The following CCDC171 variants were observed in gnomAD, a reference collection of about 807,000 sequenced individuals.
CCDC171 encodes the protein coiled-coil domain-containing protein 171.
A neutral mutation model predicts 168.2 loss-of-function variants in CCDC171; 177 were observed. The observed-to-expected ratio is 1.05, with a 90% CI of 0.93 to 1.19. The LOEUF (loss-of-function observed/expected upper bound fraction) is 1.19. Among genes scored for constraint, CCDC171 ranks in the 50% most tolerant of loss-of-function variants. The pLI, the probability that CCDC171 is intolerant of heterozygous loss-of-function variation, is 0.00. For synonymous variants in CCDC171, 687 were observed against 540.8 expected, an observed-to-expected ratio of 1.27 and a Z score of -3.75; for missense variants, 1,991 against 1,539.0, an observed-to-expected ratio of 1.29 and a Z score of -4.91.
At chr9:15,664,467 T>C (rs1405623287) in intron 8 of CCDC171, among the ~76,000 whole-genome samples, 2 of 151,746 alleles carry the variant, frequency 1.3e-5, no homozygotes, top group African/African-American at 4.9e-5. Flanking sequence ...CAGGCTGGTC[T>C]CAATCTCTTG....
At chr9:15,623,462 T>TGCGCGCGCGCGCGCGC (rs778581123) in intron 7 of CCDC171, 49 bp downstream of exon 7, 1 of 483,178 alleles carries the variant, frequency 2.1e-6, no homozygotes, top group East Asian at 8.1e-5. Flanking sequence ...AACTTTCACA[T>TGCGCGCGCGCGCGCGC]ATGCGCGCGC....
At chr9:15,630,106 G>T (rs910581935) in intron 7 of CCDC171, among the ~76,000 whole-genome samples, 1 of 152,184 alleles carries the variant, frequency 6.6e-6, no homozygotes, top group Non-Finnish European at 1.5e-5. Context: ...AGGCTAGGAA[G>T]AAACTGCATC....
intron 7 of CCDC171, among the ~76,000 whole-genome samples, chr9:15,628,696 C>T (rs2045393133): frequency 6.6e-6 from 1 of 152,202 alleles, no homozygotes; most frequent in Non-Finnish European, 1.5e-5. Flanking sequence ...CAGCACGCAG[C>T]TGGAGATCTG....
chr9:15,575,560 A>G (rs1047864121), intron 3 of CCDC171, among the ~76,000 whole-genome samples: 8 of 152,348 alleles, frequency 5.3e-5, no homozygotes, highest in East Asian at 1.9e-4. Context: ...TGACCCAGCC[A>G]GTACTCTTGA....
intron 18 of CCDC171, among the ~76,000 whole-genome samples, chr9:15,752,490 G>A (rs1253988726): frequency 3.3e-5 from 5 of 152,052 alleles, no homozygotes; most frequent in African/African-American, 1.2e-4. Context: ...ACTTGGAACC[G>A]ACCTAATGTC....
intron 25 of CCDC171, among the ~76,000 whole-genome samples, chr9:15,954,572 C>A (rs951491937): frequency 1.3e-5 from 2 of 151,960 alleles, no homozygotes; most frequent in Admixed American, 6.6e-5. Flanking sequence ...TATTGTTATC[C>A]CACAGGTCCC....
chr9:15,806,622 G>C (rs1167399947), intron 21 of CCDC171, among the ~76,000 whole-genome samples: 1 of 151,048 alleles, frequency 6.6e-6, no homozygotes, highest in Non-Finnish European at 1.5e-5. Flanking sequence ...GACTGATGAG[G>C]TGGCCTGCCC....
At chr9:15,739,768 C>T (rs569444736) in intron 16 of CCDC171, among the ~76,000 whole-genome samples, 1 of 149,374 alleles carries the variant, frequency 6.7e-6, no homozygotes, top group African/African-American at 2.5e-5. Context: ...TACCAAGTCT[C>T]ACTCTGTCGC....
chr9:15,781,492 A>C (rs910898248), intron 20 of CCDC171, among the ~76,000 whole-genome samples: 1 of 152,146 alleles, frequency 6.6e-6, no homozygotes, highest in African/African-American at 2.4e-5. Flanking sequence ...ATCTCAGCTC[A>C]CTGCAGCCTC....
At chr9:15,621,094 G>A (rs1288674878) in intron 6 of CCDC171, among the ~76,000 whole-genome samples, 2 of 152,104 alleles carry the variant, frequency 1.3e-5, no homozygotes, top group African/African-American at 4.8e-5. Context: ...GCCTCCCATA[G>A]TAGCTGGGAT....
intron 19 of CCDC171, 63 bp from the exon 20 acceptor site, chr9:15,778,905 G>C: frequency 8.8e-7 from 1 of 1,140,392 alleles, no homozygotes; most frequent in Non-Finnish European, 1.2e-6. Flanking sequence ...TAGTAAAATG[G>C]TTATTGCTAT....
In CCDC171 at chr9:15,657,110, TTTTAA is replaced by T; in HGVS notation, c.823-13_823-9del. The stretch of plus-strand genomic sequence containing the variant: ...AATACCAATGTTTATGAATTTAAAC[TTTTAA>T]TTTGTTTTCAGGCAACTACTCTAAG... On this transcript the variant is annotated splice_polypyrimidine_tract_variant and intron_variant, in intron 7 of 25. Transcript: ENST00000380701. 6.8e-7 allele frequency: 1 copy of T among 1,479,640 alleles called. No homozygotes were observed. The allele number at this position is 1,479,640 out of a possible 1,614,324, so 91.7% of individuals were successfully genotyped here.
intron 7 of CCDC171, among the ~76,000 whole-genome samples, chr9:15,653,372 G>C (rs1349667986): frequency 1.3e-5 from 2 of 151,710 alleles, no homozygotes; most frequent in African/African-American, 4.8e-5. Flanking sequence ...GGACTCCTGG[G>C]CTCAAGTGAT....
At chr9:16,019,135 C>T (rs1833099938) in intron 3 of CCDC171, among the ~76,000 whole-genome samples, 1 of 152,176 alleles carries the variant, frequency 6.6e-6, no homozygotes, top group Admixed American at 6.5e-5. Context: ...ACTCTTAACC[C>T]ATGACTTTTA....
At position 15,651,342 on chromosome 9, in the gene CCDC171, C is replaced by T. The variant is rs565835288; in HGVS notation, c.823-5785C>T. 3.3e-5 allele frequency among the ~76,000 whole-genome samples: 5 copies of T among 152,128 alleles called. No individual in the cohort carries two copies. The East Asian group carries it at 5.8e-4, about 18-fold the overall frequency. The stretch of plus-strand genomic sequence containing the variant: ...CAGCCTGGTCTTGAACTCCTGACCT[C>T]AGGTGATCTGCCTGCCTCGGCCTCC... On this transcript the variant is annotated intron_variant, in intron 7 of 25. Coordinates refer to ENST00000380701, the MANE Select transcript of CCDC171 (RefSeq NM_173550.4).
intron 23 of CCDC171, among the ~76,000 whole-genome samples, chr9:15,849,313 A>G (rs978938820): frequency 6.6e-6 from 1 of 150,962 alleles, no homozygotes; most frequent in Admixed American, 6.6e-5. Flanking sequence ...CAATGGTCCT[A>G]TATATATATG....
At chr9:16,091,089 G>T in the CCDC171 span, among the ~76,000 whole-genome samples, 6 of 152,166 alleles carry the variant, frequency 3.9e-5, no homozygotes, top group African/African-American at 1.2e-4. Context: ...CAGGAATGCT[G>T]ATTGTGTGAC....
intron 16 of CCDC171, among the ~76,000 whole-genome samples, chr9:15,740,625 A>G (rs2134546977): frequency 6.6e-6 from 1 of 152,142 alleles, no homozygotes; most frequent in Non-Finnish European, 1.5e-5. Context: ...TTTTAAGTAG[A>G]GACAGGGTTT....
intron 23 of CCDC171, among the ~76,000 whole-genome samples, chr9:15,855,451 C>G (rs1012779963): frequency 3.3e-5 from 5 of 151,760 alleles, no homozygotes; most frequent in Non-Finnish European, 7.4e-5. Flanking sequence ...TAAGATGAGT[C>G]TGTTATAGAC....
Sources: allele counts gnomAD v4.1 joint callset (sites outside exome capture counted in the v4.1 genomes callset), GRCh38; gene constraint gnomAD v4.1.1; transcripts MANE v1.5; gene names NCBI Gene and HGNC (gene_info 2026-07-23, HGNC 2026-07-21).